The following GPC6 variants were observed in gnomAD, a reference collection of about 807,000 sequenced individuals.
The protein encoded by GPC6 is glypican 6.
A neutral mutation model predicts 55.2 loss-of-function variants in GPC6; 14 were observed. That is an observed-to-expected ratio of 0.25 (90% CI 0.17 to 0.40). The LOEUF (loss-of-function observed/expected upper bound fraction) is 0.40, where lower values mean the gene tolerates loss of function less well. Among genes scored for constraint, GPC6 ranks in the 10% least tolerant of loss-of-function variants. The probability of loss-of-function intolerance (pLI) is 1.00; values close to 1 mark genes in which losing one functional copy is unlikely to be tolerated. For missense variants in GPC6, 641 were observed against 708.5 expected (o/e 0.90, Z 1.08); for synonymous variants, 278 against 259.6 (o/e 1.07, Z -0.68).
At position 93,231,397 on chromosome 13, in the gene GPC6, G is replaced by GTATATATA. The variant is rs71123471; in HGVS notation, c.160+3800_160+3807dup. Among the ~76,000 whole-genome samples, 76 of 45,716 alleles carry GTATATATA rather than the reference G, an allele frequency of 1.7e-3. 1 individual carries two copies. Among genetic ancestry groups the GTATATATA allele is most frequent in the Middle Eastern group, 0.016 (1 of 62 alleles). The allele number at this position is 45,716 out of a possible 152,430, so 30.0% of individuals were successfully genotyped here. A position where few individuals can be genotyped will look rare whatever the true frequency, so the allele number is the denominator to read the frequency against. On this transcript the variant is annotated intron_variant, in intron 1 of 8. Transcript: ENST00000377047. ...TATATATACATATATATATATATAT[G>GTATATATA]TATATATATATATATATATATATAT...
At chr13:94,386,304 G>A (rs570982342) in intron 7 of GPC6, among the ~76,000 whole-genome samples, 2 of 150,990 alleles carry the variant, frequency 1.3e-5, no homozygotes, top group East Asian at 3.9e-4. Context: ...AGCTTGCAGT[G>A]AGCAGAGATC....
At position 93,663,959 on chromosome 13, in the gene GPC6, G is replaced by C. The variant is rs559180416; in HGVS notation, c.319+118538G>C. On this transcript the variant is annotated intron_variant, in intron 2 of 8. Transcript: ENST00000377047. ...AGGCAAGAGCATGGAAGTCCTCAAA[G>C]CAGGATTTTGGTCTTTTTCCAGATC... Among the ~76,000 whole-genome samples, 4 of 152,264 alleles carry C rather than the reference G, an allele frequency of 2.6e-5. No homozygotes were observed. The South Asian group carries it at 8.3e-4, about 32-fold the overall frequency.
intron 3 of GPC6, among the ~76,000 whole-genome samples, chr13:93,938,190 T>C (rs1878538651): frequency 6.6e-6 from 1 of 152,128 alleles, no homozygotes; most frequent in African/African-American, 2.4e-5. Context: ...TTCCTGATAA[T>C]AGTCAAACAA....
At chr13:94,106,283 A>G (rs1178773364) in intron 4 of GPC6, among the ~76,000 whole-genome samples, 1 of 151,972 alleles carries the variant, frequency 6.6e-6, no homozygotes, top group Non-Finnish European at 1.5e-5. Context: ...CATGGTCAAC[A>G]GTGTTAGATG....
rs10714044 is a variant in GPC6, at chr13:93,340,026, C to CTTTTTT, written c.160+112432_160+112437dup. 2.0e-3 allele frequency among the ~76,000 whole-genome samples: 167 copies of CTTTTTT among 81,618 alleles called. 7 individuals carry two copies. The highest frequency in any genetic ancestry group is 2.8e-3 in the Non-Finnish European group (129 of 46,098). The allele number at this position is 81,618 out of a possible 152,430, so 53.5% of individuals were successfully genotyped here. On this transcript the variant is annotated intron_variant, in intron 1 of 8. Coordinates refer to ENST00000377047, the MANE Select transcript of GPC6 (RefSeq NM_005708.5). ...AAAAACAAAAACAAAAGTTTTCTTT[C>CTTTTTT]TTTTTTTTTTTTTTTTTTTTTTTTT...
intron 4 of GPC6, among the ~76,000 whole-genome samples, chr13:94,096,924 G>A (rs1033543544): frequency 2.0e-5 from 3 of 152,094 alleles, no homozygotes; most frequent in African/African-American, 4.8e-5. Context: ...TCTATGAATG[G>A]AACATGTGGA....
intron 4 of GPC6, among the ~76,000 whole-genome samples, chr13:94,093,750 GC>G: frequency 6.6e-6 from 1 of 152,166 alleles, no homozygotes; most frequent in South Asian, 2.1e-4. Flanking sequence ...ATGAACACTT[GC>G]TTTCAGGATG....
At chr13:93,402,587 T>G (rs879622029) in intron 1 of GPC6, among the ~76,000 whole-genome samples, 8 of 152,172 alleles carry the variant, frequency 5.3e-5, no homozygotes, top group Admixed American at 1.3e-4. Flanking sequence ...TTAGGGCTTG[T>G]GTCCTTAGCG....
chr13:94,195,045 T>C (rs1566528983), intron 4 of GPC6, among the ~76,000 whole-genome samples: 1 of 152,088 alleles, frequency 6.6e-6, no homozygotes, highest in African/African-American at 2.4e-5. Flanking sequence ...AGCACTGAAG[T>C]TTTATTCTTT....
intron 4 of GPC6, among the ~76,000 whole-genome samples, chr13:94,278,073 G>A (rs1354107972): frequency 6.6e-6 from 1 of 152,158 alleles, no homozygotes; most frequent in African/African-American, 2.4e-5. Flanking sequence ...CATGAGGATG[G>A]AATGTTTTTC....
chr13:93,550,925 T>G (rs1875125479), intron 2 of GPC6, among the ~76,000 whole-genome samples: 1 of 151,970 alleles, frequency 6.6e-6, no homozygotes. Context: ...TGTCAAGGAG[T>G]TTACGTTTTG....
intron 1 of GPC6, among the ~76,000 whole-genome samples, chr13:93,494,842 A>T (rs1022254964): frequency 1.0e-4 from 15 of 148,480 alleles, no homozygotes; most frequent in Admixed American, 3.4e-4. Flanking sequence ...AAGAATGTTG[A>T]ATATTGGCCC....
intron 3 of GPC6, among the ~76,000 whole-genome samples, chr13:93,887,250 C>T (rs1875395462): frequency 6.6e-6 from 1 of 151,630 alleles, no homozygotes; most frequent in Non-Finnish European, 1.5e-5. Context: ...AGGAGACTAC[C>T]AAAGTAAAAG....
At chr13:93,231,382 T>A (rs187410896) in intron 1 of GPC6, among the ~76,000 whole-genome samples, 1 of 26,782 alleles carries the variant, frequency 3.7e-5, no homozygotes, top group Non-Finnish European at 6.5e-5. Context: ...TATATATACA[T>A]ATATATATAT....
At chr13:93,864,577 T>A (rs1158386563) in intron 3 of GPC6, among the ~76,000 whole-genome samples, 1 of 151,702 alleles carries the variant, frequency 6.6e-6, no homozygotes, top group African/African-American at 2.4e-5. Context: ...CTCCAGAGGA[T>A]GTAACAGGGC....
chr13:93,843,359 C>T (rs1888030202), intron 3 of GPC6, among the ~76,000 whole-genome samples: 3 of 152,080 alleles, frequency 2.0e-5, no homozygotes, highest in Non-Finnish European at 4.4e-5. Flanking sequence ...ATTTACTGAT[C>T]ACTTTATACC....
In GPC6 at chr13:93,882,769, C is replaced by T. The variant is rs192071612; in HGVS notation, c.711+52224C>T. Among the ~76,000 whole-genome samples the T allele has an allele frequency of 2.0e-3, 302 of 152,144 alleles. 1 individual carries two copies. Among genetic ancestry groups the T allele is most frequent in the Admixed American group, 4.2e-3 (64 of 15,282 alleles). On this transcript the variant is annotated intron_variant, in intron 3 of 8. Coordinates refer to ENST00000377047, the MANE Select transcript of GPC6 (RefSeq NM_005708.5). ...AATGAAAGCCCTGTTCTGTCTTAAACCAAACTCAGTGTTTGGCTAAACTGG... is the reference window on the plus strand; with the variant it reads ...AATGAAAGCCCTGTTCTGTCTTAAATCAAACTCAGTGTTTGGCTAAACTGG...
At chr13:93,360,106 T>C (rs796516587) in intron 1 of GPC6, among the ~76,000 whole-genome samples, 57 of 152,260 alleles carry the variant, frequency 3.7e-4, no homozygotes, top group African/African-American at 1.2e-3. Context: ...AAGAACATCA[T>C]TCCACAAGTT....
intron 2 of GPC6, among the ~76,000 whole-genome samples, chr13:93,668,692 A>G (rs1767428349): frequency 6.6e-6 from 1 of 152,184 alleles, no homozygotes; most frequent in Admixed American, 6.5e-5. Flanking sequence ...CAGAGGCTGC[A>G]AGAGGCACAG....
Sources: gnomAD v4.1 joint callset for allele counts (sites outside exome capture counted in the v4.1 genomes callset) on GRCh38, gnomAD v4.1.1 for gene constraint, MANE v1.5 for transcripts, NCBI Gene and HGNC (gene_info 2026-07-23, HGNC 2026-07-21) for gene names.